PGAP6: variants seen among roughly 807,000 people sequenced by gnomAD.
PGAP6 encodes post-GPI attachment to proteins 6, also known as post-GPI attachment to proteins factor 6.
PGAP6 carries 62 observed loss-of-function variants against 68.4 expected under a neutral mutation model. The ratio of observed to expected loss-of-function variants is 0.91; its 90% confidence interval spans 0.74 to 1.12. The LOEUF (loss-of-function observed/expected upper bound fraction) is 1.12. PGAP6 is among the 50% of genes most tolerant of loss of function. The pLI is 0.00. For synonymous variants in PGAP6, 575 were observed against 474.0 expected (o/e 1.21, Z -2.77); for missense variants, 1,188 against 1,068.5 (o/e 1.11, Z -1.56).
chr16:378,664 C>G (rs1016048104), intron 1 of PGAP6, among the ~76,000 whole-genome samples: 1 of 152,218 alleles, frequency 6.6e-6, no homozygotes, highest in Non-Finnish European at 1.5e-5. Flanking sequence ...CCCACCTCCT[C>G]TCAGCCTCCC....
intron 6 of PGAP6, 88 bp downstream of exon 6, chr16:376,048 C>T (rs532763726): frequency 1.9e-5 from 25 of 1,341,758 alleles, no homozygotes; most frequent in Middle Eastern, 2.3e-4. Context: ...CCGCCTGTCC[C>T]GTGCCAAGGT....
intron 12 of PGAP6, 35 bp downstream of exon 12, chr16:372,576 C>T: frequency 6.6e-7 from 1 of 1,525,208 alleles, no homozygotes; most frequent in Non-Finnish European, 9.1e-7. Context: ...TCTCCGAGCA[C>T]CTGGGCAGCA....
At chr16:373,423 A>G (rs5020353) in intron 11 of PGAP6, among the ~76,000 whole-genome samples, 82,940 of 151,732 alleles carry the variant, frequency 0.55, 23,015 homozygotes, top group South Asian at 0.67. Flanking sequence ...GGCTTCTCGA[A>G]GGCAGGGGGC....
chr16:376,904 TG>T (rs2054389717), intron 4 of PGAP6, 92 bp from the exon 5 acceptor site: 4 of 1,563,324 alleles, frequency 2.6e-6, no homozygotes, highest in Non-Finnish European at 3.4e-6. Flanking sequence ...CAGCCCACTC[TG>T]GTGGGGGCCA....
At position 381,905 on chromosome 16, in the gene PGAP6, C is replaced by CCGGGCA. The variant is rs1383280307; in HGVS notation, c.-85_-84insTGCCCG. The CCGGGCA allele has an allele frequency of 1.5e-4, 27 of 181,462 alleles. No individual in the cohort carries two copies. Among genetic ancestry groups the CCGGGCA allele is most frequent in the Non-Finnish European group, 1.7e-4 (26 of 152,696 alleles). The allele number at this position is 181,462 out of a possible 1,614,324, so 11.2% of individuals were successfully genotyped here. A position where few individuals can be genotyped will look rare whatever the true frequency, so the allele number is the denominator to read the frequency against. On this transcript the variant is annotated 5_prime_UTR_variant, in exon 1 of 13. Coordinates refer to ENST00000431232, the MANE Select transcript of PGAP6 (RefSeq NM_021259.3). Reference sequence around the variant, plus strand: ...CCGCCCGGGCAGCCTCTGCCGCCTCCGCCTCTGCCGCCTCCGCCTCTGCCC... The same window carrying CCGGGCA: ...CCGCCCGGGCAGCCTCTGCCGCCTCCCGGGCAGCCTCTGCCGCCTCCGCCTCTGCCC...
rs762804478 is a variant in PGAP6, at chr16:374,113, C to T, written c.1794G>A (p.Leu598=). 2 of 1,611,580 alleles carry T rather than the reference C, an allele frequency of 1.2e-6. No individual in the cohort carries two copies. Among genetic ancestry groups the T allele is most frequent in the East Asian group, 2.2e-5 (1 of 44,886 alleles). The change falls in exon 11 of 13, where the codon CTG becomes CTA. Residue 598 remains leucine, a synonymous_variant. Transcript: ENST00000431232. ...GCAGCGTGTCGTAGCTGAGGATGCA[C>T]AGCACCGCCTCCCCGGGCTGGTCGC... ...HACDQPGEAV[L]CILSYDTLQY...
chr16:385,689 A>G (rs1165402250), upstream of PGAP6, among the ~76,000 whole-genome samples: 3 of 119,446 alleles, frequency 2.5e-5, no homozygotes, highest in Admixed American at 3.1e-4. Context: ...CAGTGGCGCG[A>G]TCCTGGCTCA....
At chr16:382,091 A>AGGC (rs2054447746), upstream of PGAP6, 7 of 282,620 alleles carry the variant, frequency 2.5e-5, 1 homozygote, top group South Asian at 1.1e-3. Context: ...GGGCGCCGGT[A>AGGC]GGGGGGAGGG....
At position 374,751 on chromosome 16, in the gene PGAP6, C is replaced by T; in HGVS notation, c.1576+5G>A. On this transcript the variant is annotated splice_donor_5th_base_variant and intron_variant, in intron 9 of 12. Coordinates refer to ENST00000431232, the MANE Select transcript of PGAP6 (RefSeq NM_021259.3). ...TCTCGGGGCGGGCGGGGCCCTGGCA[C>T]TCACCTGCCTTGCAGCTGCAGCTGG... The T allele has an allele frequency of 6.2e-7, 1 of 1,612,386 alleles. No homozygotes were observed. Among genetic ancestry groups the T allele is most frequent in the Non-Finnish European group, 8.5e-7 (1 of 1,179,850 alleles).
Position 371,991 on chromosome 16 carries a change from GTCACTGCGTACAGTTCC to G in PGAP6, c.2295_2311del (p.Glu765AspfsTer12). The G allele has an allele frequency of 6.2e-7, 1 of 1,611,020 alleles. No individual in the cohort carries two copies. The highest frequency in any genetic ancestry group is 8.5e-7 in the Non-Finnish European group (1 of 1,178,740). Reference sequence around the variant, plus strand: ...GCAGCTGTCCCCAGGCCAGTGTCACGTCACTGCGTACAGTTCCTCCCGATCGTTCTTGCAGATCTGAT... The same window carrying G: ...GCAGCTGTCCCCAGGCCAGTGTCACGTCCCGATCGTTCTTGCAGATCTGAT... On this transcript the variant is annotated frameshift_variant, in exon 13 of 13. Transcript: ENST00000431232. LOFTEE classifies it high-confidence loss of function.
chr16:384,578 G>A (rs1242195521), upstream of PGAP6, among the ~76,000 whole-genome samples: 35 of 152,328 alleles, frequency 2.3e-4, no homozygotes, highest in South Asian at 6.2e-4. Flanking sequence ...GGAGAGGGCC[G>A]GGCGCGGTGT....
At chr16:382,036 G>T, upstream of PGAP6, 2 of 724,804 alleles carry the variant, frequency 2.8e-6, no homozygotes, top group Non-Finnish European at 3.5e-6. Flanking sequence ...GGGGTCGGGG[G>T]GCGGGACCGG....
In PGAP6 at chr16:377,979, C is replaced by T; in HGVS notation, c.122-131G>A. 6 of 770,166 alleles carry T rather than the reference C, an allele frequency of 7.8e-6. No homozygotes were observed. In the South Asian group the frequency reaches 1.1e-4, roughly 14 times the overall value. The allele number at this position is 770,166 out of a possible 1,614,324, so 47.7% of individuals were successfully genotyped here. On this transcript the variant is annotated intron_variant, in intron 1 of 12. Coordinates refer to ENST00000431232, the MANE Select transcript of PGAP6 (RefSeq NM_021259.3). ...ACCTGGAGATCTTGGCACACCAACTCTGACCTTGGCAAAGGTCACCGACAC... is the reference window on the plus strand; with the variant it reads ...ACCTGGAGATCTTGGCACACCAACTTTGACCTTGGCAAAGGTCACCGACAC...
chr16:371,702 G>C lies in PGAP6; in HGVS notation c.*285C>G, dbSNP rs575300594. The C allele has an allele frequency of 4.7e-6, 2 of 428,406 alleles. No homozygotes were observed. Among genetic ancestry groups the C allele is most frequent in the Non-Finnish European group, 8.6e-6 (2 of 231,810 alleles). The allele number at this position is 428,406 out of a possible 1,614,324, so 26.5% of individuals were successfully genotyped here. On this transcript the variant is annotated 3_prime_UTR_variant, in exon 13 of 13. Coordinates refer to ENST00000431232, the MANE Select transcript of PGAP6 (RefSeq NM_021259.3). ...CAGCAGAGCACACAGCCCCACCCTC[G>C]CACAGGCACCTGTGGTCTCCAAGTA... is the stretch of plus-strand genomic sequence containing the variant.
chr16:374,378 G>C lies in PGAP6; in HGVS notation c.1598C>G (p.Thr533Arg), dbSNP rs370270045. The C allele has an allele frequency of 4.4e-6, 7 of 1,585,340 alleles. 1 individual carries two copies. In the South Asian group the frequency reaches 6.7e-5, roughly 15 times the overall value. Residue 533 changes from threonine (T) to arginine (R), a missense_variant, in exon 10 of 13, where the codon ACG (threonine) becomes AGG (arginine). Thr to Arg is a moderately conservative substitution (Grantham distance 71). Transcript: ENST00000431232. ...CACCGTCTGGGCTGTGCTGTTGTCCGTGCAGCTCCACCCACGCCAGCCTGC... is the reference window on the plus strand; with the variant it reads ...CACCGTCTGGGCTGTGCTGTTGTCCCTGCAGCTCCACCCACGCCAGCCTGC... ...CKAGWRGWSC[T>R]DNSTAQTVAQ...
chr16:375,775 C>T (rs552672494), intron 6 of PGAP6, among the ~76,000 whole-genome samples: 1 of 152,288 alleles, frequency 6.6e-6, no homozygotes, highest in South Asian at 2.1e-4. Flanking sequence ...CGTGATCCAC[C>T]CTCCTCGGCC....
chr16:372,044 G>A lies in PGAP6; in HGVS notation c.2259C>T (p.Phe753=), dbSNP rs746503662. 19 of 1,612,536 alleles carry A rather than the reference G, an allele frequency of 1.2e-5. No homozygotes were observed. The highest frequency in any genetic ancestry group is 1.1e-4 in the East Asian group (5 of 44,866). The change falls in exon 13 of 13, where the codon TTC becomes TTT. Residue 753 remains phenylalanine, a synonymous_variant. Coordinates refer to ENST00000431232, the MANE Select transcript of PGAP6 (RefSeq NM_021259.3). ...PAEPWACSQK[F]PCHYQICKND... ...TCTTGCAGATCTGATAGTGGCAGGG[G>A]AATTTCTGCGAGCAGGCCCAGGGCT...
At chr16:384,658 A>G (rs2054469674), upstream of PGAP6, among the ~76,000 whole-genome samples, 2 of 151,940 alleles carry the variant, frequency 1.3e-5, no homozygotes, top group Non-Finnish European at 2.9e-5. Flanking sequence ...GATCGAGACC[A>G]TCCTGGGCTA....
upstream of PGAP6, chr16:386,830 A>G: frequency 1.5e-6 from 1 of 685,046 alleles, no homozygotes; most frequent in Non-Finnish European, 2.6e-6. Context: ...AAGGCTTTAA[A>G]GGCCAAGAAG....
Sources: gnomAD v4.1 joint callset for allele counts (sites outside exome capture counted in the v4.1 genomes callset) on GRCh38, gnomAD v4.1.1 for gene constraint, MANE v1.5 for transcripts, NCBI Gene and HGNC (gene_info 2026-07-23, HGNC 2026-07-21) for gene names.